CCBE1: variants seen among roughly 807,000 people sequenced by gnomAD.
CCBE1 encodes collagen and calcium-binding EGF domain-containing protein 1.
Under a neutral mutation model 50.0 loss-of-function variants are expected in CCBE1, and 37 were observed. That is an observed-to-expected ratio of 0.74 (90% CI 0.57 to 0.97). The LOEUF is 0.97. Among genes scored for constraint, CCBE1 ranks in the 50% least tolerant of loss-of-function variants. CCBE1 has a pLI of 0.00. For synonymous variants in CCBE1, 234 were observed against 203.7 expected (o/e 1.15, Z -1.27); for missense variants, 538 against 523.8 (o/e 1.03, Z -0.26).
At chr18:59,527,086 T>A (rs1914855089) in intron 2 of CCBE1, among the ~76,000 whole-genome samples, 1 of 152,206 alleles carries the variant, frequency 6.6e-6, no homozygotes, top group Admixed American at 6.5e-5. Flanking sequence ...GATGATCTAA[T>A]ATTGACAGTG....
chr18:59,457,031 G>C (rs1911225849), intron 5 of CCBE1, among the ~76,000 whole-genome samples: 1 of 152,254 alleles, frequency 6.6e-6, no homozygotes, highest in Admixed American at 6.5e-5. Flanking sequence ...AAGTGACAGT[G>C]TAATTGTTGA....
chr18:59,507,928 G>A (rs978186002), intron 2 of CCBE1, among the ~76,000 whole-genome samples: 8 of 143,286 alleles, frequency 5.6e-5, no homozygotes, highest in African/African-American at 2.1e-4. Flanking sequence ...ATCTCCCTCT[G>A]TCACCAGGCT....
At chr18:59,588,972 G>A (rs55918167) in intron 2 of CCBE1, among the ~76,000 whole-genome samples, 2 of 152,326 alleles carry the variant, frequency 1.3e-5, no homozygotes, top group African/African-American at 4.8e-5. Context: ...TGATTTGTAA[G>A]GTGTGATACT....
intron 2 of CCBE1, among the ~76,000 whole-genome samples, chr18:59,658,368 T>C (rs1412380766): frequency 1.3e-3 from 3 of 2,392 alleles, no homozygotes; most frequent in African/African-American, 6.3e-3. Context: ...TATATATATA[T>C]ATATATATAT....
At chr18:59,683,285 C>G (rs1232701006) in intron 2 of CCBE1, among the ~76,000 whole-genome samples, 1 of 152,222 alleles carries the variant, frequency 6.6e-6, no homozygotes. Flanking sequence ...GAGCATGTGT[C>G]AAACGTGTTA....
intron 2 of CCBE1, among the ~76,000 whole-genome samples, chr18:59,658,896 A>C (rs948850077): frequency 2.3e-4 from 34 of 150,924 alleles, no homozygotes; most frequent in African/African-American, 7.8e-4. Flanking sequence ...AAAAAAAAAA[A>C]AAAAAAAAAA....
chr18:59,683,545 A>T (rs1210972105), intron 2 of CCBE1, among the ~76,000 whole-genome samples: 6 of 152,124 alleles, frequency 3.9e-5, no homozygotes, highest in Non-Finnish European at 7.4e-5. Flanking sequence ...AAAATACAAA[A>T]AAATTAGCCA....
At chr18:59,497,970 G>C (rs966068118) in intron 2 of CCBE1, among the ~76,000 whole-genome samples, 1 of 152,228 alleles carries the variant, frequency 6.6e-6, no homozygotes, top group African/African-American at 2.4e-5. Flanking sequence ...CTGGCTGACT[G>C]GTCGTTAAGA....
intron 2 of CCBE1, among the ~76,000 whole-genome samples, chr18:59,556,772 CAAGGA>C (rs2052663109): frequency 6.6e-6 from 1 of 152,094 alleles, no homozygotes; most frequent in Admixed American, 6.5e-5. Context: ...TGGAAATGTC[CAAGGA>C]AAGAGGTATT....
At chr18:59,633,568 G>T (rs1223557764) in intron 2 of CCBE1, among the ~76,000 whole-genome samples, 2 of 152,052 alleles carry the variant, frequency 1.3e-5, no homozygotes, top group East Asian at 3.9e-4. Flanking sequence ...GTGTTTTCAG[G>T]CTCCTCTGGA....
chr18:59,547,479 G>A (rs1915752244), intron 2 of CCBE1, among the ~76,000 whole-genome samples: 1 of 152,130 alleles, frequency 6.6e-6, no homozygotes, highest in Non-Finnish European at 1.5e-5. Flanking sequence ...GCCCCAGGGA[G>A]AGGGCAGCTT....
chr18:59,492,144 C>CAAAAAAAAAAAAAAAAAAAAAAAAA (rs869190811), intron 2 of CCBE1, among the ~76,000 whole-genome samples: 1 of 78,424 alleles, frequency 1.3e-5, no homozygotes, highest in Non-Finnish European at 2.4e-5. Context: ...GACTTTGTCT[C>CAAAAAAAAAAAAAAAAAAAAAAAAA]AAAAAAAAAA....
intron 2 of CCBE1, among the ~76,000 whole-genome samples, chr18:59,508,521 C>T (rs1458470988): frequency 6.6e-6 from 1 of 151,506 alleles, no homozygotes; most frequent in Non-Finnish European, 1.5e-5. Flanking sequence ...GACTTGAGTC[C>T]GGGAGGCAGA....
chr18:59,455,726 T>G (rs1425505624), intron 5 of CCBE1, among the ~76,000 whole-genome samples: 1 of 152,224 alleles, frequency 6.6e-6, no homozygotes, highest in African/African-American at 2.4e-5. Context: ...CTGGGTCACC[T>G]TGCTGCTGAG....
rs74870381 is a variant in CCBE1, at chr18:59,557,546, C to T, written c.213-77308G>A. On this transcript the variant is annotated intron_variant, in intron 2 of 10. Transcript: ENST00000439986. Reference sequence around the variant, plus strand: ...TCCACTGTGTTGCAGATGAGAAATACGAAGTACCTCTGATTGGTCCCCTCC... The same window carrying T: ...TCCACTGTGTTGCAGATGAGAAATATGAAGTACCTCTGATTGGTCCCCTCC... Among the ~76,000 whole-genome samples, 1,361 of 152,248 alleles carry T rather than the reference C, an allele frequency of 8.9e-3. 15 individuals carry two copies. Among genetic ancestry groups the T allele is most frequent in the African/African-American group, 0.031 (1,305 of 41,528 alleles).
At chr18:59,560,213 G>C (rs2052714105) in intron 2 of CCBE1, among the ~76,000 whole-genome samples, 1 of 152,244 alleles carries the variant, frequency 6.6e-6, no homozygotes, top group South Asian at 2.1e-4. Flanking sequence ...TGTAACCACA[G>C]ATAGTTTTGG....
At chr18:59,579,034 C>A (rs961935590) in intron 2 of CCBE1, among the ~76,000 whole-genome samples, 3 of 152,058 alleles carry the variant, frequency 2.0e-5, no homozygotes, top group African/African-American at 7.2e-5. Context: ...TGTCAAATTA[C>A]TGGCTTAAAG....
chr18:59,594,089 AAAAAT>A (rs1211968803), intron 2 of CCBE1, among the ~76,000 whole-genome samples: 1 of 152,236 alleles, frequency 6.6e-6, no homozygotes, highest in Non-Finnish European at 1.5e-5. Flanking sequence ...CAGCTTCATG[AAAAAT>A]ACCAAGTTCT....
intron 2 of CCBE1, among the ~76,000 whole-genome samples, chr18:59,577,856 C>G (rs1161732825): frequency 6.6e-6 from 1 of 152,136 alleles, no homozygotes; most frequent in Non-Finnish European, 1.5e-5. Flanking sequence ...ACCATAAAAA[C>G]CCTAGAAGAA....
Sources: gnomAD v4.1 joint callset for allele counts (sites outside exome capture counted in the v4.1 genomes callset) on GRCh38, gnomAD v4.1.1 for gene constraint, MANE v1.5 for transcripts, NCBI Gene and HGNC (gene_info 2026-07-23, HGNC 2026-07-21) for gene names.